The following NIPA2 variants were observed in gnomAD, a reference collection of about 807,000 sequenced individuals.
NIPA2 encodes the protein magnesium transporter NIPA2.
A neutral mutation model predicts 29.7 loss-of-function variants in NIPA2; 11 were observed. That is an observed-to-expected ratio of 0.37 (90% CI 0.23 to 0.61). The LOEUF (loss-of-function observed/expected upper bound fraction) is 0.61, where lower values mean the gene tolerates loss of function less well. NIPA2 is among the 20% of genes least tolerant of loss of function. The pLI, the probability that NIPA2 is intolerant of heterozygous loss-of-function variation, is 0.66. For missense variants in NIPA2, 426 were observed against 437.9 expected, an observed-to-expected ratio of 0.97 and a Z score of 0.24; for synonymous variants, 183 against 161.9, an observed-to-expected ratio of 1.13 and a Z score of -0.99.
intron 3 of NIPA2, among the ~76,000 whole-genome samples, chr15:22,848,910 CT>C (rs1226822387): frequency 1.4e-5 from 2 of 147,688 alleles, no homozygotes; most frequent in African/African-American, 5.0e-5. Flanking sequence ...TATTTTGAGA[CT>C]ACCAGATAGC....
At chr15:22,856,069 G>T (rs1236249786) in intron 5 of NIPA2, among the ~76,000 whole-genome samples, 1 of 152,168 alleles carries the variant, frequency 6.6e-6, no homozygotes, top group African/African-American at 2.4e-5. Flanking sequence ...TTTGAGAGAA[G>T]CCAGCTGCTG....
intron 6 of NIPA2, among the ~76,000 whole-genome samples, chr15:22,859,668 G>A (rs966923502): frequency 2.0e-5 from 3 of 152,134 alleles, no homozygotes; most frequent in Admixed American, 6.5e-5. Context: ...TTTCTGCTTT[G>A]TAATGATTAG....
chr15:22,858,636 G>A lies in NIPA2; in HGVS notation c.287+6G>A, dbSNP rs199711698. On this transcript the variant is annotated splice_donor_region_variant and intron_variant, in intron 6 of 7. Coordinates refer to ENST00000337451, the MANE Select transcript of NIPA2 (RefSeq NM_030922.7). Reference sequence around the variant, plus strand: ...GCTCTCAGCGTGCTAGTAAGGTAAGGACACGTTTTTCATGTAGAAACAGTA... The same window carrying A: ...GCTCTCAGCGTGCTAGTAAGGTAAGAACACGTTTTTCATGTAGAAACAGTA... 5.9e-5 allele frequency: 92 copies of A among 1,553,814 alleles called. No homozygotes were observed. In the East Asian group the frequency reaches 1.9e-3, roughly 33 times the overall value.
At chr15:22,854,606 C>T (rs1001174308) in intron 5 of NIPA2, among the ~76,000 whole-genome samples, 3 of 151,820 alleles carry the variant, frequency 2.0e-5, no homozygotes, top group African/African-American at 7.2e-5. Flanking sequence ...ATTAGCCGGG[C>T]GTGGTGGCAG....
intron 2 of NIPA2, among the ~76,000 whole-genome samples, chr15:22,840,553 A>AC (rs1245488219): frequency 2.8e-5 from 4 of 142,570 alleles, no homozygotes; most frequent in Admixed American, 7.2e-5. Flanking sequence ...GCCCGCCTCG[A>AC]CCCCCCAAAG....
At chr15:22,843,303 G>C (rs1595251795) in intron 2 of NIPA2, among the ~76,000 whole-genome samples, 1 of 152,072 alleles carries the variant, frequency 6.6e-6, no homozygotes, top group East Asian at 2.0e-4. Context: ...AGGAGATCGA[G>C]ACCATCCTGG....
At chr15:22,846,256 TC>T (rs1169017767) in intron 3 of NIPA2, among the ~76,000 whole-genome samples, 3 of 152,132 alleles carry the variant, frequency 2.0e-5, no homozygotes, top group African/African-American at 7.2e-5. Flanking sequence ...TGGGGCCTAC[TC>T]CTCAGGCATA....
At chr15:22,853,798 A>G (rs765673537) in intron 5 of NIPA2, among the ~76,000 whole-genome samples, 9 of 152,108 alleles carry the variant, frequency 5.9e-5, no homozygotes, top group Non-Finnish European at 1.0e-4. Flanking sequence ...CCCCTCAACA[A>G]TTTATCCTTT....
At chr15:22,857,730 G>A (rs76192232) in intron 5 of NIPA2, among the ~76,000 whole-genome samples, 7 of 151,624 alleles carry the variant, frequency 4.6e-5, no homozygotes, top group Middle Eastern at 3.4e-3. Flanking sequence ...CCAGCTACTC[G>A]GGAGGCCGAG....
Position 22,851,845 on chromosome 15 carries a change from T to G in NIPA2, c.114T>G (p.Leu38=). 4 of 1,613,820 alleles carry G rather than the reference T, an allele frequency of 2.5e-6. No homozygotes were observed. Among genetic ancestry groups the G allele is most frequent in the Non-Finnish European group, 3.4e-6 (4 of 1,179,840 alleles). ...TGAAAAAAAAGGGCCTCCTTCGACTTGCCAGGAAAGGCTCTATGAGAGCAG... is the reference window on the plus strand; with the variant it reads ...TGAAAAAAAAGGGCCTCCTTCGACTGGCCAGGAAAGGCTCTATGAGAGCAG... ...FILKKKGLLR[L]ARKGSMRAGQ... The change falls in exon 4 of 8, where the codon CTT becomes CTG. Residue 38 remains leucine (L), a synonymous_variant. Transcript: ENST00000337451.
At chr15:22,850,770 A>C (rs1185329671) in intron 3 of NIPA2, among the ~76,000 whole-genome samples, 1 of 152,206 alleles carries the variant, frequency 6.6e-6, no homozygotes, top group Non-Finnish European at 1.5e-5. Flanking sequence ...ACGGAAAAAC[A>C]TGGCTAGTTA....
intron 3 of NIPA2, among the ~76,000 whole-genome samples, chr15:22,846,060 G>A (rs567731677): frequency 4.0e-4 from 61 of 152,246 alleles, no homozygotes; most frequent in African/African-American, 1.3e-3. Context: ...CAGTGAGAGA[G>A]GGATTTCCAT....
At chr15:22,857,023 G>A (rs2058227382) in intron 5 of NIPA2, among the ~76,000 whole-genome samples, 1 of 152,182 alleles carries the variant, frequency 6.6e-6, no homozygotes, top group Admixed American at 6.5e-5. Flanking sequence ...ATGACACATA[G>A]TAGGATACCT....
chr15:22,865,862 G>A (rs2059014133), intron 7 of NIPA2, among the ~76,000 whole-genome samples: 1 of 151,984 alleles, frequency 6.6e-6, no homozygotes, highest in Non-Finnish European at 1.5e-5. Flanking sequence ...TCTATAAATT[G>A]TTGAACATTC....
At chr15:22,858,735 C>T (rs1327119782) in intron 6 of NIPA2, 105 bp downstream of exon 6, 6 of 664,318 alleles carry the variant, frequency 9.0e-6, no homozygotes, top group Non-Finnish European at 1.4e-5. Flanking sequence ...ATTTCAACAA[C>T]CTGGAGAACT....
chr15:22,852,569 A>G (rs1162701263), intron 4 of NIPA2, among the ~76,000 whole-genome samples: 1 of 152,034 alleles, frequency 6.6e-6, no homozygotes, highest in Non-Finnish European at 1.5e-5. Flanking sequence ...ACATTTTGGC[A>G]GGAAGGAAAG....
At chr15:22,866,017 C>T (rs534860262) in intron 7 of NIPA2, among the ~76,000 whole-genome samples, 196 bp from the exon 8 acceptor site, 2 of 152,166 alleles carry the variant, frequency 1.3e-5, no homozygotes, top group South Asian at 4.1e-4. Context: ...GAATATGAAG[C>T]TCGCATTAAT....
chr15:22,848,489 G>C (rs1353735782), intron 3 of NIPA2, among the ~76,000 whole-genome samples: 1 of 151,958 alleles, frequency 6.6e-6, no homozygotes, highest in African/African-American at 2.4e-5. Context: ...CAGCCTCCTG[G>C]TGTGTACCAC....
rs1398250968 is a variant in NIPA2, at chr15:22,868,199, G to GTT, written c.*1355_*1356dup. 1.3e-5 allele frequency: 2 copies of GTT among 152,154 alleles called. No individual in the cohort carries two copies. Among genetic ancestry groups the GTT allele is most frequent in the African/African-American group, 4.8e-5 (2 of 41,416 alleles). The allele number at this position is 152,154 out of a possible 1,614,324, so 9.4% of individuals were successfully genotyped here. On this transcript the variant is annotated 3_prime_UTR_variant, in exon 8 of 8. Coordinates refer to ENST00000337451, the MANE Select transcript of NIPA2 (RefSeq NM_030922.7). Reference sequence around the variant, plus strand: ...TTTATTATTGGCCTTCTAAGGAGCTGTTTTAGATGTTTTTTCTAACTGCCT... The same window carrying GTT: ...TTTATTATTGGCCTTCTAAGGAGCTGTTTTTTAGATGTTTTTTCTAACTGCCT...
Sources: gnomAD v4.1 joint callset for allele counts (sites outside exome capture counted in the v4.1 genomes callset) on GRCh38, gnomAD v4.1.1 for gene constraint, MANE v1.5 for transcripts, NCBI Gene and HGNC (gene_info 2026-07-23, HGNC 2026-07-21) for gene names.